ARHGAP22: variants seen among roughly 807,000 people sequenced by gnomAD.
ARHGAP22 encodes rho GTPase-activating protein 22.
In ARHGAP22, 48 loss-of-function variants were observed where a neutral mutation model predicts 59.1. That is an observed-to-expected ratio of 0.81 (90% CI 0.64 to 1.03). The LOEUF (loss-of-function observed/expected upper bound fraction) is 1.03. ARHGAP22 is among the 50% of genes least tolerant of loss of function. The pLI is 0.00. For missense variants in ARHGAP22, 1,015 were observed against 958.7 expected (o/e 1.06, Z -0.78); for synonymous variants, 445 against 416.4 (o/e 1.07, Z -0.84).
intron 3 of ARHGAP22, among the ~76,000 whole-genome samples, chr10:48,523,680 G>A (rs1035418770): frequency 1.3e-5 from 2 of 152,014 alleles, no homozygotes; most frequent in African/African-American, 2.4e-5. Context: ...CTGCGAGCGG[G>A]TCTGGGCGCC....
At chr10:48,453,506 A>T in intron 7 of ARHGAP22, 81 bp from the exon 8 acceptor site, 3 of 1,587,290 alleles carry the variant, frequency 1.9e-6, no homozygotes, top group Non-Finnish European at 2.6e-6. Flanking sequence ...ACGCACCGCC[A>T]CACCCCTGCT....
At chr10:48,601,647 A>G (rs889101433) in intron 1 of ARHGAP22, among the ~76,000 whole-genome samples, 82 of 152,316 alleles carry the variant, frequency 5.4e-4, no homozygotes, top group African/African-American at 1.9e-3. Flanking sequence ...TTTTGGTTAG[A>G]TTAACAACAG....
intron 1 of ARHGAP22, among the ~76,000 whole-genome samples, chr10:48,584,170 T>A (rs886981579): frequency 6.6e-6 from 1 of 152,208 alleles, no homozygotes; most frequent in Admixed American, 6.5e-5. Context: ...AGGCCATGGA[T>A]CCTAACTTGT....
chr10:48,593,030 T>C (rs2059859562), intron 1 of ARHGAP22, among the ~76,000 whole-genome samples: 1 of 152,192 alleles, frequency 6.6e-6, no homozygotes, highest in Admixed American at 6.5e-5. Flanking sequence ...CTTTATCCTC[T>C]CTTGTCCTGG....
chr10:48,534,142 A>G (rs1232062132), intron 3 of ARHGAP22, among the ~76,000 whole-genome samples: 8 of 152,250 alleles, frequency 5.3e-5, no homozygotes, highest in Non-Finnish European at 1.2e-4. Flanking sequence ...GCTCGGGCCA[A>G]TGGGCCTTCA....
chr10:48,438,872 G>A, the ARHGAP22 span: 1 of 152,178 alleles, frequency 6.6e-6, no homozygotes, highest in East Asian at 1.9e-4. Flanking sequence ...TCGTGATATC[G>A]GTCCATTTAC....
At chr10:48,568,696 C>A (rs1044479492) in intron 2 of ARHGAP22, among the ~76,000 whole-genome samples, 1 of 152,242 alleles carries the variant, frequency 6.6e-6, no homozygotes, top group African/African-American at 2.4e-5. Context: ...TCAGAGCCTG[C>A]CGGCTGGGTG....
chr10:48,595,119 T>C (rs192490631), intron 1 of ARHGAP22, among the ~76,000 whole-genome samples: 1 of 152,198 alleles, frequency 6.6e-6, no homozygotes, highest in Admixed American at 6.5e-5. Context: ...GGGCCAGGGA[T>C]GTTTCCTATC....
At position 48,485,252 on chromosome 10, in the gene ARHGAP22, T is replaced by C. The variant is rs58152864; in HGVS notation, c.323-5488A>G. Reference sequence around the variant, plus strand: ...TTTCTTCCAGAGTTCAGTGCTATAATTGTCCCTGAACTACTACTTTAGAGG... The same window carrying C: ...TTTCTTCCAGAGTTCAGTGCTATAACTGTCCCTGAACTACTACTTTAGAGG... On this transcript the variant is annotated intron_variant, in intron 3 of 9. Transcript: ENST00000249601. Among the ~76,000 whole-genome samples, 138 of 152,334 alleles carry C rather than the reference T, an allele frequency of 9.1e-4. 1 individual carries two copies. The highest frequency in any genetic ancestry group is 3.2e-3 in the African/African-American group (132 of 41,576).
At chr10:48,626,097 T>C (rs901167901) in intron 1 of ARHGAP22, among the ~76,000 whole-genome samples, 4 of 152,206 alleles carry the variant, frequency 2.6e-5, no homozygotes, top group Non-Finnish European at 5.9e-5. Flanking sequence ...AACCCCATTT[T>C]TGGCCCAGCA....
chr10:48,655,054 C>CTTTCTT (rs1309930149), upstream of ARHGAP22, among the ~76,000 whole-genome samples: 3 of 61,622 alleles, frequency 4.9e-5, no homozygotes, highest in African/African-American at 1.3e-4. Flanking sequence ...TTCTTTCTTT[C>CTTTCTT]TCCTTCCTTC....
chr10:48,566,232 G>A (rs2058040529), intron 2 of ARHGAP22, among the ~76,000 whole-genome samples: 1 of 152,142 alleles, frequency 6.6e-6, no homozygotes, highest in Admixed American at 6.5e-5. Flanking sequence ...GAAAGCAATC[G>A]CTCAGGGTTC....
chr10:48,614,388 A>T (rs780138381), intron 1 of ARHGAP22, among the ~76,000 whole-genome samples: 29 of 152,230 alleles, frequency 1.9e-4, no homozygotes, highest in Non-Finnish European at 3.7e-4. Context: ...ACTGAAGTGG[A>T]TTGAAAATGA....
chr10:48,652,417 T>C (rs2062604418), exon 1 of ARHGAP22: 1 of 735,704 alleles, frequency 1.4e-6, no homozygotes, highest in African/African-American at 1.8e-5. Flanking sequence ...GAAATATATT[T>C]AGAATGCCCT....
At chr10:48,454,040 G>A (rs368564424) in intron 7 of ARHGAP22, 48 bp downstream of exon 7, 97 of 1,568,516 alleles carry the variant, frequency 6.2e-5, no homozygotes, top group Middle Eastern at 3.7e-4. Flanking sequence ...TTGGGGGAGC[G>A]TGGAGCCAGT....
chr10:48,597,658 C>G (rs185425624), intron 1 of ARHGAP22, among the ~76,000 whole-genome samples: 6 of 152,290 alleles, frequency 3.9e-5, no homozygotes, highest in Non-Finnish European at 8.8e-5. Flanking sequence ...CCCTTGGAAG[C>G]CTCTCTCCTC....
chr10:48,547,302 A>T (rs571894493), intron 3 of ARHGAP22, among the ~76,000 whole-genome samples: 2 of 152,240 alleles, frequency 1.3e-5, no homozygotes, highest in South Asian at 4.1e-4. Flanking sequence ...TAGCTTTGCT[A>T]CTACCATGGT....
intron 3 of ARHGAP22, among the ~76,000 whole-genome samples, chr10:48,525,080 C>T (rs574238007): frequency 6.6e-5 from 10 of 152,190 alleles, no homozygotes; most frequent in African/African-American, 2.2e-4. Flanking sequence ...AGAGTGTGTT[C>T]GGTGCAATCA....
At chr10:48,605,243 A>C, upstream of ARHGAP22, 1 of 835,890 alleles carries the variant, frequency 1.2e-6, no homozygotes, top group Non-Finnish European at 1.5e-6. Context: ...CTGAGGCTGG[A>C]AGAAATGCGC....
Sources: allele counts gnomAD v4.1 joint callset (sites outside exome capture counted in the v4.1 genomes callset), GRCh38; gene constraint gnomAD v4.1.1; transcripts MANE v1.5; gene names NCBI Gene and HGNC (gene_info 2026-07-23, HGNC 2026-07-21).